Variants in SLC22A3 observed in about 807,000 individuals in gnomAD.
The protein encoded by SLC22A3 is solute carrier family 22 member 3, also known as EMT organic cation transporter 3.
A neutral mutation model predicts 59.1 loss-of-function variants in SLC22A3; 51 were observed. The ratio of observed to expected loss-of-function variants is 0.86; its 90% confidence interval spans 0.69 to 1.09. The LOEUF is 1.09. Ranked by LOEUF, SLC22A3 falls within the 50% of genes least tolerant of loss-of-function variation. The pLI, the probability that SLC22A3 is intolerant of heterozygous loss-of-function variation, is 0.00. For synonymous variants in SLC22A3, 325 were observed against 292.0 expected (o/e 1.11, Z -1.15); for missense variants, 711 against 726.3 (o/e 0.98, Z 0.24).
intron 9 of SLC22A3, among the ~76,000 whole-genome samples, chr6:160,446,108 G>A (rs1788732741): frequency 6.6e-6 from 1 of 152,216 alleles, no homozygotes; most frequent in East Asian, 1.9e-4. Context: ...CAAGGAAGTG[G>A]AAACCAAGTG....
chr6:160,408,979 A>G, intron 4 of SLC22A3, 58 bp downstream of exon 4: 1 of 1,463,964 alleles, frequency 6.8e-7, no homozygotes, highest in East Asian at 2.3e-5. Flanking sequence ...TTAGACTCCA[A>G]ACAGACATGA....
Position 160,410,818 on chromosome 6 carries a change from G to T in SLC22A3, c.947G>T (p.Gly316Val). The T allele has an allele frequency of 6.2e-7, 1 of 1,606,986 alleles. No homozygotes were observed. The highest frequency in any genetic ancestry group is 8.5e-7 in the Non-Finnish European group (1 of 1,174,002). Residue 316 changes from glycine to valine, a missense_variant, in exon 5 of 11, where the codon GGG (glycine) becomes GTG (valine). Gly to Val is a moderately radical substitution (Grantham distance 109, BLOSUM62 -3). Coordinates refer to ENST00000275300, the MANE Select transcript of SLC22A3 (RefSeq NM_021977.4). Reference sequence around the variant, plus strand: ...CTGAGACGCATTGCTAAGTGCAATGGGAAATACCTCTCATCAAATTACTCA... The same window carrying T: ...CTGAGACGCATTGCTAAGTGCAATGTGAAATACCTCTCATCAAATTACTCA... ...QILRRIAKCNGKYLSSNYSEI... is the reference protein window; with the variant it reads ...QILRRIAKCNVKYLSSNYSEI...
chr6:160,448,295 T>C (rs1408047838), intron 10 of SLC22A3, among the ~76,000 whole-genome samples: 1 of 152,212 alleles, frequency 6.6e-6, no homozygotes, highest in African/African-American at 2.4e-5. Context: ...CAAAGGTGTT[T>C]TCTCTCTGCA....
At chr6:160,392,534 A>G (rs1012198071) in intron 1 of SLC22A3, among the ~76,000 whole-genome samples, 4 of 152,270 alleles carry the variant, frequency 2.6e-5, no homozygotes, top group Non-Finnish European at 5.9e-5. Context: ...CCTTCTCGGC[A>G]TAATGCCAAG....
At chr6:160,382,156 T>A (rs1785823056) in intron 1 of SLC22A3, among the ~76,000 whole-genome samples, 1 of 152,200 alleles carries the variant, frequency 6.6e-6, no homozygotes, top group Non-Finnish European at 1.5e-5. Flanking sequence ...CAGATCCATT[T>A]ATTCACTTAT....
intron 5 of SLC22A3, chr6:160,426,129 G>T: frequency 1.0e-6 from 1 of 985,402 alleles, no homozygotes; most frequent in Non-Finnish European, 1.2e-6. Flanking sequence ...TCTTTATTTT[G>T]AGGTGCATCT....
chr6:160,377,597 C>T (rs932021986), intron 1 of SLC22A3, among the ~76,000 whole-genome samples: 5 of 152,124 alleles, frequency 3.3e-5, no homozygotes, highest in African/African-American at 1.2e-4. Context: ...AAGCTCTTTG[C>T]CCAGAAAACC....
chr6:160,434,169 T>C (rs2457010), intron 5 of SLC22A3, among the ~76,000 whole-genome samples: 131,732 of 152,250 alleles, frequency 0.87, 57,407 homozygotes, highest in East Asian at 1. Context: ...CCTTGCAGGA[T>C]GGGTGGTTTT....
chr6:160,359,853 T>G (rs907652054), intron 1 of SLC22A3, among the ~76,000 whole-genome samples: 4 of 125,868 alleles, frequency 3.2e-5, no homozygotes, highest in Non-Finnish European at 8.1e-5. Context: ...ATGTGAAGAT[T>G]TTCTGTAAAG....
intron 2 of SLC22A3, among the ~76,000 whole-genome samples, chr6:160,405,254 C>T (rs1446359476): frequency 6.6e-6 from 1 of 152,028 alleles, no homozygotes; most frequent in Non-Finnish European, 1.5e-5. Flanking sequence ...AAGATCTTAA[C>T]AGATAGCTCA....
chr6:160,432,303 G>A (rs1451812930), intron 5 of SLC22A3, among the ~76,000 whole-genome samples: 1 of 152,140 alleles, frequency 6.6e-6, no homozygotes. Context: ...AATTGATGGT[G>A]CGGGAGAGTG....
chr6:160,399,947 C>T (rs755703741), intron 2 of SLC22A3, among the ~76,000 whole-genome samples: 23 of 151,970 alleles, frequency 1.5e-4, no homozygotes, highest in Admixed American at 5.9e-4. Flanking sequence ...ATAACACAGG[C>T]GCAGAAACCT....
At position 160,434,974 on chromosome 6, in the gene SLC22A3, G is replaced by C. The variant is rs1474848947; in HGVS notation, c.976-1806G>C. On this transcript the variant is annotated intron_variant, in intron 5 of 10. Coordinates refer to ENST00000275300, the MANE Select transcript of SLC22A3 (RefSeq NM_021977.4). ...CCATTTATCTTGCATCTCCACCATCGCCTACACAGGTGGTATGGTTGAAGC... is the reference window on the plus strand; with the variant it reads ...CCATTTATCTTGCATCTCCACCATCCCCTACACAGGTGGTATGGTTGAAGC... Among the ~76,000 whole-genome samples the C allele has an allele frequency of 2.0e-5, 3 of 147,156 alleles. No homozygotes were observed. The East Asian group carries it at 6.1e-4, about 30-fold the overall frequency.
At chr6:160,435,017 C>T (rs913566790) in intron 5 of SLC22A3, among the ~76,000 whole-genome samples, 11 of 152,202 alleles carry the variant, frequency 7.2e-5, no homozygotes, top group Admixed American at 7.2e-4. Context: ...CATCTTCTTC[C>T]AGCAAGTTAT....
chr6:160,400,896 CGTT>C (rs1051573676), intron 2 of SLC22A3, among the ~76,000 whole-genome samples: 4 of 145,270 alleles, frequency 2.8e-5, no homozygotes, highest in African/African-American at 5.1e-5. Flanking sequence ...AAATGAAAAA[CGTT>C]GTTACTGGGC....
intron 2 of SLC22A3, among the ~76,000 whole-genome samples, chr6:160,399,231 G>A (rs564075985): frequency 1.3e-5 from 2 of 151,324 alleles, no homozygotes; most frequent in East Asian, 1.9e-4. Context: ...TCTTTTTATC[G>A]ATGTCCTTTT....
chr6:160,447,798 T>G lies in SLC22A3; in HGVS notation c.1590T>G (p.Asp530Glu). 1 of 1,613,992 alleles carries G rather than the reference T, an allele frequency of 6.2e-7. No homozygotes were observed. Among genetic ancestry groups the G allele is most frequent in the Non-Finnish European group, 8.5e-7 (1 of 1,179,958 alleles). ...TKGIALPETV[D>E]DVEKLGSPHS... is the part of the protein sequence containing the mutation. ...GTATTGCCTTGCCAGAGACAGTGGATGATGTAGAAAAACTTGGCAGGTACT... is the reference window on the plus strand; with the variant it reads ...GTATTGCCTTGCCAGAGACAGTGGAGGATGTAGAAAAACTTGGCAGGTACT... Residue 530 changes from aspartate to glutamate, a missense_variant, in exon 10 of 11, where the codon GAT (aspartate) becomes GAG (glutamate). Coordinates refer to ENST00000275300, the MANE Select transcript of SLC22A3 (RefSeq NM_021977.4).
In SLC22A3 at chr6:160,366,448, C is replaced by T. The variant is rs543295957; in HGVS notation, c.429+17600C>T. ...CTTGTGGCTGTGCAGGATACAGCCCCGTCCCAGCTGCCTTCATGGCTGGCA... is the reference window on the plus strand; with the variant it reads ...CTTGTGGCTGTGCAGGATACAGCCCTGTCCCAGCTGCCTTCATGGCTGGCA... On this transcript the variant is annotated intron_variant, in intron 1 of 10. Transcript: ENST00000275300. Among the ~76,000 whole-genome samples, 258 of 152,350 alleles carry T rather than the reference C, an allele frequency of 1.7e-3. 3 individuals carry two copies. Among genetic ancestry groups the T allele is most frequent in the African/African-American group, 5.9e-3 (244 of 41,588 alleles).
chr6:160,447,734 T>C lies in SLC22A3; in HGVS notation c.1526T>C (p.Ile509Thr). 1.2e-6 allele frequency: 2 copies of C among 1,614,032 alleles called. No homozygotes were observed. Among genetic ancestry groups the C allele is most frequent in the South Asian group, 2.2e-5 (2 of 91,082 alleles). The change falls in exon 10 of 11, where the codon ATC becomes ACC. Residue 509 changes from isoleucine (I) to threonine (T), a missense_variant. Transcript: ENST00000275300. ...TATTCCATAGGTATCCTGGCATCCA[T>C]CTGTGGTGGCCTTGTGATGCTTTTG... Reference protein sequence around the residue: ...PLIIFGILASICGGLVMLLPE... With the variant: ...PLIIFGILASTCGGLVMLLPE...
Sources: allele counts gnomAD v4.1 joint callset (sites outside exome capture counted in the v4.1 genomes callset), GRCh38; gene constraint gnomAD v4.1.1; transcripts MANE v1.5; gene names NCBI Gene and HGNC (gene_info 2026-07-23, HGNC 2026-07-21).